SLC8A3: variants seen among roughly 807,000 people sequenced by gnomAD.
SLC8A3 encodes sodium/calcium exchanger 3.
In SLC8A3, 37 loss-of-function variants were observed where a neutral mutation model predicts 65.4. That is an observed-to-expected ratio of 0.57 (90% CI 0.44 to 0.74). SLC8A3 has a LOEUF of 0.74. Among genes scored for constraint, SLC8A3 ranks in the 30% least tolerant of loss-of-function variants. The pLI is 0.00. For missense variants in SLC8A3, 1,112 were observed against 1,172.1 expected, an observed-to-expected ratio of 0.95 and a Z score of 0.75; for synonymous variants, 461 against 444.5, an observed-to-expected ratio of 1.04 and a Z score of -0.47.
intron 5 of SLC8A3, 122 bp from the exon 6 acceptor site, chr14:70,049,164 G>A (rs1236435404): frequency 3.1e-5 from 31 of 1,007,106 alleles, no homozygotes; most frequent in Middle Eastern, 2.2e-4. Context: ...GCTGTCTTCT[G>A]GGCAGCTGGT....
intron 3 of SLC8A3, among the ~76,000 whole-genome samples, chr14:70,053,034 C>T (rs972449981): frequency 6.6e-6 from 1 of 152,102 alleles, no homozygotes; most frequent in Non-Finnish European, 1.5e-5. Context: ...TTTAAATTAC[C>T]AAGCAGACAG....
Position 70,083,887 on chromosome 14 carries a change from C to CA in SLC8A3, c.1785-22949dup, listed in dbSNP as rs562243344. 2.1e-3 allele frequency among the ~76,000 whole-genome samples: 317 copies of CA among 151,630 alleles called. 1 individual carries two copies. The highest frequency in any genetic ancestry group is 3.2e-3 in the Non-Finnish European group (216 of 67,992). On this transcript the variant is annotated intron_variant, in intron 2 of 6. Coordinates refer to ENST00000356921, the MANE Select transcript of SLC8A3 (RefSeq NM_182932.3). ...AATCCATACCTGGACATTCCGGAGG[C>CA]AAAAAAGCAGTATATGAAGATGGTC... is the stretch of plus-strand genomic sequence containing the variant.
chr14:70,048,626 G>T, intron 6 of SLC8A3, 141 bp downstream of exon 6: 1 of 758,466 alleles, frequency 1.3e-6, no homozygotes, highest in Non-Finnish European at 2.3e-6. Flanking sequence ...TCATCTCTTT[G>T]ATTGACTTTT....
chr14:70,177,027 T>C (rs1051649789), intron 1 of SLC8A3, among the ~76,000 whole-genome samples: 10 of 152,252 alleles, frequency 6.6e-5, no homozygotes, highest in African/African-American at 2.2e-4. Context: ...TGTCACAGGC[T>C]GACTTTCACT....
intron 2 of SLC8A3, among the ~76,000 whole-genome samples, chr14:70,084,143 T>C (rs899430978): frequency 6.6e-6 from 1 of 152,328 alleles, no homozygotes; most frequent in African/African-American, 2.4e-5. Context: ...CTAATTGCTG[T>C]TGTTGTGATT....
intron 2 of SLC8A3, among the ~76,000 whole-genome samples, chr14:70,073,629 G>T: frequency 6.6e-6 from 1 of 152,178 alleles, no homozygotes; most frequent in East Asian, 1.9e-4. Context: ...AAGAGAACAA[G>T]TGGCTGGTTA....
At chr14:70,131,748 A>G (rs1198139447) in intron 2 of SLC8A3, among the ~76,000 whole-genome samples, 1 of 152,264 alleles carries the variant, frequency 6.6e-6, no homozygotes, top group African/African-American at 2.4e-5. Flanking sequence ...AAGACATTGT[A>G]TATGCGTGAA....
chr14:70,187,956 C>T (rs967887677), intron 1 of SLC8A3, among the ~76,000 whole-genome samples: 1 of 152,138 alleles, frequency 6.6e-6, no homozygotes. Flanking sequence ...GCACAACACG[C>T]CCTGGCCCAG....
At chr14:70,121,931 T>C (rs1894090223) in intron 2 of SLC8A3, among the ~76,000 whole-genome samples, 1 of 152,334 alleles carries the variant, frequency 6.6e-6, no homozygotes, top group South Asian at 2.1e-4. Flanking sequence ...ACATCCTTTT[T>C]TCATAGCTCA....
At chr14:70,094,694 C>A (rs1892036239) in intron 2 of SLC8A3, among the ~76,000 whole-genome samples, 1 of 152,166 alleles carries the variant, frequency 6.6e-6, no homozygotes, top group African/African-American at 2.4e-5. Flanking sequence ...CAGAATGTCC[C>A]CCCTGCTGTT....
In SLC8A3 at chr14:70,082,264, A is replaced by AT. The variant is rs1341151148; in HGVS notation, c.1785-21326dup. On this transcript the variant is annotated intron_variant, in intron 2 of 6. Coordinates refer to ENST00000356921, the MANE Select transcript of SLC8A3 (RefSeq NM_182932.3). ...GATTTTCTAAAAATATCAGATTTCA[A>AT]TTTTTTTAAAATAATTTCTTGGGGG... Among the ~76,000 whole-genome samples, 4 of 151,982 alleles carry AT rather than the reference A, an allele frequency of 2.6e-5. No homozygotes were observed. In the East Asian group the frequency reaches 5.8e-4, roughly 22 times the overall value.
chr14:70,179,631 C>A (rs1481049773), intron 1 of SLC8A3, among the ~76,000 whole-genome samples: 2 of 152,188 alleles, frequency 1.3e-5, no homozygotes, highest in African/African-American at 2.4e-5. Context: ...AGTGTTTGGA[C>A]AGAAGTCGTG....
chr14:70,183,194 T>C (rs113623103), intron 1 of SLC8A3, among the ~76,000 whole-genome samples: 3,358 of 152,246 alleles, frequency 0.022, 129 homozygotes, highest in African/African-American at 0.075. Context: ...TATTTGTCCT[T>C]CCAAATATCA....
At chr14:70,130,948 C>G (rs34713959) in intron 2 of SLC8A3, among the ~76,000 whole-genome samples, 114,946 of 152,166 alleles carry the variant, frequency 0.76, 43,960 homozygotes, top group East Asian at 0.99. Flanking sequence ...TTTGAATCTT[C>G]ACAATATAGA....
At chr14:70,093,663 C>T (rs1326327419) in intron 2 of SLC8A3, among the ~76,000 whole-genome samples, 1 of 152,232 alleles carries the variant, frequency 6.6e-6, no homozygotes, top group Non-Finnish European at 1.5e-5. Flanking sequence ...TGGCCTCATG[C>T]ACCTTTGTCA....
rs1300041551 is a variant in SLC8A3 at position 70,143,184 on chromosome 14, T to C, written c.1784+23455A>G. ...ATTCCTTTCATATGGCTGTTGCCTG[T>C]AGATGCGTTAAGTTTTGAGGGCCTA... On this transcript the variant is annotated intron_variant, in intron 2 of 6. Transcript: ENST00000356921. Among the ~76,000 whole-genome samples the C allele has an allele frequency of 5.3e-5, 8 of 152,326 alleles. No homozygotes were observed. The East Asian group carries it at 1.5e-3, about 29-fold the overall frequency.
At chr14:70,076,934 T>C (rs1566761272) in intron 2 of SLC8A3, among the ~76,000 whole-genome samples, 1 of 152,198 alleles carries the variant, frequency 6.6e-6, no homozygotes, top group Non-Finnish European at 1.5e-5. Context: ...TTTTGACAAA[T>C]TACCGAATCT....
chr14:70,183,446 A>G (rs894900583), intron 1 of SLC8A3, among the ~76,000 whole-genome samples: 7 of 152,190 alleles, frequency 4.6e-5, no homozygotes, highest in African/African-American at 1.7e-4. Flanking sequence ...CTCCTTCTTC[A>G]GGCCTGTCTC....
At chr14:70,108,057 T>C (rs963981361) in intron 2 of SLC8A3, among the ~76,000 whole-genome samples, 1 of 151,546 alleles carries the variant, frequency 6.6e-6, no homozygotes, top group South Asian at 2.1e-4. Context: ...GGCTCTCCAA[T>C]GGCAAAGATG....
Sources: gnomAD v4.1 joint callset for allele counts (sites outside exome capture counted in the v4.1 genomes callset) on GRCh38, gnomAD v4.1.1 for gene constraint, MANE v1.5 for transcripts, NCBI Gene and HGNC (gene_info 2026-07-23, HGNC 2026-07-21) for gene names.